Variants in MAP3K13 observed in about 807,000 individuals in gnomAD.
MAP3K13 encodes mitogen-activated protein kinase kinase kinase 13, also known as leucine zipper-bearing kinase.
In MAP3K13, 52 loss-of-function variants were observed where a neutral mutation model predicts 104.0. The ratio of observed to expected loss-of-function variants is 0.50; its 90% confidence interval spans 0.40 to 0.63. MAP3K13 has a LOEUF of 0.63. MAP3K13 is among the 20% of genes least tolerant of loss of function. The pLI is 0.00. For synonymous variants in MAP3K13, 394 were observed against 442.2 expected, an observed-to-expected ratio of 0.89 and a Z score of 1.37; for missense variants, 914 against 1,218.5, an observed-to-expected ratio of 0.75 and a Z score of 3.72.
At chr3:185,393,849 T>C (rs1712223774) in intron 1 of MAP3K13, among the ~76,000 whole-genome samples, 1 of 152,206 alleles carries the variant, frequency 6.6e-6, no homozygotes. Flanking sequence ...ACCTATTTCC[T>C]TAGGCAGAAT....
intron 11 of MAP3K13, among the ~76,000 whole-genome samples, chr3:185,475,094 A>C (rs1283701458): frequency 7.7e-6 from 1 of 129,520 alleles, no homozygotes; most frequent in Non-Finnish European, 1.6e-5. Context: ...ACCCCATCTC[A>C]AAAAAAAAAA....
chr3:185,415,633 G>T (rs980523859), intron 1 of MAP3K13, among the ~76,000 whole-genome samples: 4 of 136,828 alleles, frequency 2.9e-5, no homozygotes, highest in Non-Finnish European at 4.6e-5. Flanking sequence ...GCCCAGGCTG[G>T]AGTACAATGG....
chr3:185,343,060 G>C (rs1722779223), intron 2 of MAP3K13, among the ~76,000 whole-genome samples: 1 of 152,148 alleles, frequency 6.6e-6, no homozygotes. Context: ...TTGCCATGCG[G>C]GGTTCCCCAA....
At chr3:185,424,820 G>A (rs541674017) in intron 1 of MAP3K13, among the ~76,000 whole-genome samples, 19 of 152,184 alleles carry the variant, frequency 1.2e-4, no homozygotes, top group African/African-American at 4.1e-4. Context: ...ACAATTCTCA[G>A]TATATATTCT....
At chr3:185,407,078 A>G (rs1713154959) in intron 1 of MAP3K13, among the ~76,000 whole-genome samples, 1 of 152,200 alleles carries the variant, frequency 6.6e-6, no homozygotes, top group Admixed American at 6.5e-5. Flanking sequence ...GAAACTCTAA[A>G]GATTATATGG....
chr3:185,448,275 C>T (rs747293044), intron 5 of MAP3K13, among the ~76,000 whole-genome samples: 12 of 152,154 alleles, frequency 7.9e-5, no homozygotes, highest in Non-Finnish European at 1.3e-4. Context: ...ATAGTTCTCA[C>T]CTTCTTGAGT....
chr3:185,423,527 A>G lies in MAP3K13; in HGVS notation c.-85-4970A>G, dbSNP rs945737433. Among the ~76,000 whole-genome samples the G allele has an allele frequency of 6.6e-6, 1 of 152,232 alleles. No homozygotes were observed. The highest frequency in any genetic ancestry group is 2.4e-5 in the African/African-American group (1 of 41,458). On this transcript the variant is annotated intron_variant, in intron 1 of 13. Transcript: ENST00000265026. This position sits in a 1 kb window ranked among gnomAD's most constrained non-coding sequence, Gnocchi z 4.1. ...ATGTCAAAGCTCAGAGATGAGCACG[A>G]AAAGAACAGGGGAGGGGAGGCTGGA... is the stretch of plus-strand genomic sequence containing the variant.
chr3:185,376,030 T>G (rs2108753995), intron 1 of MAP3K13, among the ~76,000 whole-genome samples: 1 of 152,240 alleles, frequency 6.6e-6, no homozygotes, highest in Non-Finnish European at 1.5e-5. Flanking sequence ...ATAGCTTGCC[T>G]TTGCTGGTGA....
rs181210956 is a variant in MAP3K13, at chr3:185,387,303, G to C, written c.-86+23935G>C. ...GGATCAGTGAGTTCTCACTCTATTA[G>C]TGCCTGTGAGTGCTGCTTGTTAAAA... On this transcript the variant is annotated intron_variant, in intron 1 of 13. Transcript: ENST00000265026. Among the ~76,000 whole-genome samples, 285 of 152,146 alleles carry C rather than the reference G, an allele frequency of 1.9e-3. 2 individuals carry two copies. Among genetic ancestry groups the C allele is most frequent in the African/African-American group, 6.5e-3 (271 of 41,516 alleles).
At position 185,473,345 on chromosome 3, in the gene MAP3K13, T is replaced by C; in HGVS notation, c.2014T>C (p.Tyr672His). Residue 672 changes from tyrosine (Y) to histidine (H), a missense_variant, in exon 11 of 14, where the codon TAT becomes CAT. Tyr to His is a moderately conservative substitution (Grantham distance 83). Coordinates refer to ENST00000265026, the MANE Select transcript of MAP3K13 (RefSeq NM_004721.5). The surrounding 1 kb of genome is among the most constrained non-coding windows in gnomAD (Gnocchi z 4.9). ...AGCAACCTGCGCCAACAACCTGAGG[T>C]ATTTCGGCCCAGCAGCAGCCCTGCG... is the stretch of plus-strand genomic sequence containing the variant. ...DIATCANNLR[Y>H]FGPAAALRSP... 1 of 1,613,980 alleles carries C rather than the reference T, an allele frequency of 6.2e-7. No individual in the cohort carries two copies. Among genetic ancestry groups the C allele is most frequent in the Non-Finnish European group, 8.5e-7 (1 of 1,179,986 alleles).
At position 185,450,146 on chromosome 3, in the gene MAP3K13, G is replaced by A. The variant is rs1159062954; in HGVS notation, c.1169+88G>A. On this transcript the variant is annotated intron_variant, in intron 6 of 13. Coordinates refer to ENST00000265026, the MANE Select transcript of MAP3K13 (RefSeq NM_004721.5). The surrounding 1 kb of genome is among the most constrained non-coding windows in gnomAD (Gnocchi z 4.2). ...GGTGGTGGAAAGAATAGGAGCTTTG[G>A]AGTAGGAGAATCTTGGGTTCAAATA... is the stretch of plus-strand genomic sequence containing the variant. 6.3e-6 allele frequency: 8 copies of A among 1,273,084 alleles called. No homozygotes were observed. The highest frequency in any genetic ancestry group is 3.0e-5 in the African/African-American group (2 of 65,652). 78.9% of individuals were successfully genotyped at this position (1,273,084 alleles called of 1,614,324 possible).
At chr3:185,327,923 AAAAG>A (rs1255771399) in intron 2 of MAP3K13, among the ~76,000 whole-genome samples, 3 of 150,558 alleles carry the variant, frequency 2.0e-5, no homozygotes, top group Non-Finnish European at 3.0e-5. Context: ...AAAAAGAAAG[AAAAG>A]AAAGGAAGGA....
At chr3:185,384,438 T>C (rs1711563803) in intron 1 of MAP3K13, among the ~76,000 whole-genome samples, 1 of 152,164 alleles carries the variant, frequency 6.6e-6, no homozygotes, top group African/African-American at 2.4e-5. Context: ...GGGATGCAGG[T>C]ATCCCTTTGA....
chr3:185,398,720 T>C (rs1712577250), intron 1 of MAP3K13, among the ~76,000 whole-genome samples: 1 of 152,244 alleles, frequency 6.6e-6, no homozygotes, highest in Non-Finnish European at 1.5e-5. Flanking sequence ...TGCTGAATTG[T>C]GGTACCTACT....
intron 2 of MAP3K13, among the ~76,000 whole-genome samples, chr3:185,332,326 A>C (rs1171296755): frequency 6.6e-6 from 1 of 152,134 alleles, no homozygotes; most frequent in Non-Finnish European, 1.5e-5. Context: ...TAATGGTTTC[A>C]GCATAGTGTT....
intron 2 of MAP3K13, among the ~76,000 whole-genome samples, chr3:185,344,781 A>G (rs1722854085): frequency 6.6e-6 from 1 of 152,120 alleles, no homozygotes; most frequent in African/African-American, 2.4e-5. Flanking sequence ...CTCTTGCTCC[A>G]TAGAATCCCA....
chr3:185,437,642 C>CTTT lies in MAP3K13; in HGVS notation c.659+21_659+23dup, dbSNP rs5855064. On this transcript the variant is annotated intron_variant, in intron 3 of 13. Transcript: ENST00000265026. ...ATCATCGCATTCAAGTAGGTCAAGGCTTTTTTTTTTTAAGAAGTAGACCTA... is the reference window on the plus strand; with the variant it reads ...ATCATCGCATTCAAGTAGGTCAAGGCTTTTTTTTTTTTTTAAGAAGTAGACCTA... The CTTT allele has an allele frequency of 3.7e-3, 4,682 of 1,265,144 alleles. 1 individual carries two copies. The highest frequency in any genetic ancestry group is 0.016 in the Middle Eastern group (71 of 4,512). 78.4% of individuals were successfully genotyped at this position (1,265,144 alleles called of 1,614,324 possible).
intron 2 of MAP3K13, among the ~76,000 whole-genome samples, chr3:185,321,168 C>T (rs1022728438): frequency 1.3e-5 from 2 of 149,284 alleles, no homozygotes; most frequent in Non-Finnish European, 3.0e-5. Context: ...CACACATATG[C>T]GTGCACACAC....
chr3:185,429,394 A>G (rs1168446796), intron 2 of MAP3K13, among the ~76,000 whole-genome samples: 1 of 152,232 alleles, frequency 6.6e-6, no homozygotes, highest in African/African-American at 2.4e-5. Flanking sequence ...TTTCAGATAT[A>G]TTTCATATTT....
Sources: gnomAD v4.1 joint callset for allele counts (sites outside exome capture counted in the v4.1 genomes callset) on GRCh38, gnomAD v4.1.1 for gene constraint, Gnocchi (gnomAD v3.1) non-coding constraint, MANE v1.5 for transcripts, NCBI Gene and HGNC (gene_info 2026-07-23, HGNC 2026-07-21) for gene names.